The following CLCN5 variants were observed in gnomAD, a reference collection of about 807,000 sequenced individuals.
CLCN5 encodes the protein H(+)/Cl(-) exchange transporter 5.
Under a neutral mutation model 54.0 loss-of-function variants are expected in CLCN5, and 17 were observed. That is an observed-to-expected ratio of 0.31 (90% confidence interval 0.22 to 0.47). CLCN5 has a LOEUF of 0.47. Ranked by LOEUF, CLCN5 falls within the 20% of genes least tolerant of loss-of-function variation. The pLI is 1.00. For missense variants in CLCN5, 448 were observed against 646.7 expected (o/e 0.69, Z 3.33); for synonymous variants, 222 against 233.0 (o/e 0.95, Z 0.43).
intron 3 of CLCN5, among the ~76,000 whole-genome samples, chrX:49,962,329 A>G (rs1416619356): frequency 1.8e-5 from 2 of 111,628 alleles, no homozygotes; most frequent in Non-Finnish European, 3.8e-5. Flanking sequence ...AACGTCACGC[A>G]GCAGCTGGAA....
At chrX:49,938,846 A>C in intron 3 of CLCN5, among the ~76,000 whole-genome samples, 1 of 101,833 alleles carries the variant, frequency 9.8e-6, no homozygotes, top group Middle Eastern at 4.9e-3. Context: ...CATCAGAGTG[A>C]ACAGGCAACC....
chrX:50,095,669 T>C lies in CLCN5; in HGVS notation c.*3450T>C, dbSNP rs1934240012. On this transcript the variant is annotated 3_prime_UTR_variant, in exon 15 of 15. Transcript: ENST00000376091. ...TTCTTAGCAGATCTTCAATTCTGTT[T>C]GAACATGATGAAGTAACCAGGGTTT... 8.9e-6 allele frequency: 1 copy of C among 112,819 alleles called. No homozygotes were observed. The highest frequency in any genetic ancestry group is 1.9e-5 in the Non-Finnish European group (1 of 53,386). 9.3% of individuals were successfully genotyped at this position (112,819 alleles called of 1,213,427 possible). A position where few individuals can be genotyped will look rare whatever the true frequency, so the allele number is the denominator to read the frequency against.
intron 3 of CLCN5, among the ~76,000 whole-genome samples, chrX:50,016,705 TAAAATTCCTC>T (rs1930806713): frequency 9.1e-6 from 1 of 109,644 alleles, no homozygotes; most frequent in Non-Finnish European, 1.9e-5. Context: ...TTCACTGCCC[TAAAATTCCTC>T]TGAGTTCTGC....
chrX:50,045,404 TA>T (rs1410463946), intron 4 of CLCN5, among the ~76,000 whole-genome samples: 3 of 111,877 alleles, frequency 2.7e-5, no homozygotes, highest in African/African-American at 9.7e-5. Flanking sequence ...AGTGGTCAGT[TA>T]GGGGGATTCA....
chrX:49,958,250 T>TC (rs1369788563), intron 3 of CLCN5, among the ~76,000 whole-genome samples: 1 of 111,713 alleles, frequency 9.0e-6, no homozygotes, highest in Non-Finnish European at 1.9e-5. Context: ...GTTTTTTTTT[T>TC]CACTCAGCAT....
Position 50,067,826 on chromosome X carries a change from TGCAA to T in CLCN5, c.164-2049_164-2046del, listed in dbSNP as rs782632740. ...CCCGGGAGCAGGGGATCTGGAGAAT[TGCAA>T]GCAGTCTGTTGTAGGATTCTAATCA... On this transcript the variant is annotated intron_variant, in intron 4 of 14. Transcript: ENST00000376091. 4,978 of 508,898 alleles carry T rather than the reference TGCAA, an allele frequency of 9.8e-3. 36 individuals are homozygous for T. Among genetic ancestry groups the T allele is most frequent in the Non-Finnish European group, 0.011 (4,654 of 416,815 alleles). 41.9% of individuals were successfully genotyped at this position (508,898 alleles called of 1,213,427 possible). A position where few individuals can be genotyped will look rare whatever the true frequency, so the allele number is the denominator to read the frequency against.
At chrX:49,954,208 A>G (rs993339699) in intron 3 of CLCN5, among the ~76,000 whole-genome samples, 2 of 111,797 alleles carry the variant, frequency 1.8e-5, no homozygotes, top group Non-Finnish European at 3.8e-5. Context: ...TCTAAGGGCC[A>G]AGGAGATGTG....
chrX:50,003,592 G>T, intron 3 of CLCN5: 1 of 355,670 alleles, frequency 2.8e-6, no homozygotes, highest in Non-Finnish European at 5.7e-6. Flanking sequence ...GCGAGCCTCA[G>T]CTTTCCTTGC....
chrX:49,992,170 C>T (rs1557179054), intron 3 of CLCN5, among the ~76,000 whole-genome samples: 1 of 107,924 alleles, frequency 9.3e-6, no homozygotes, highest in African/African-American at 3.4e-5. Flanking sequence ...AAAACGGTCC[C>T]GGGGTCTCTC....
chrX:49,951,943 C>T (rs1234099903), intron 3 of CLCN5, among the ~76,000 whole-genome samples: 1 of 112,214 alleles, frequency 8.9e-6, no homozygotes, highest in Non-Finnish European at 1.9e-5. Context: ...GAATACACTG[C>T]TTATCTAAGT....
intron 4 of CLCN5, among the ~76,000 whole-genome samples, chrX:50,063,041 G>T (rs1484267621): frequency 9.1e-6 from 1 of 109,991 alleles, no homozygotes; most frequent in Non-Finnish European, 1.9e-5. Flanking sequence ...CACTAAATGC[G>T]CACAAGAGAA....
chrX:49,929,121 C>T (rs1281028859), intron 3 of CLCN5, among the ~76,000 whole-genome samples: 1 of 111,388 alleles, frequency 9.0e-6, no homozygotes, highest in Non-Finnish European at 1.9e-5. Flanking sequence ...CTGAGTCAGT[C>T]TGTAGAGCTT....
At chrX:49,952,645 CT>C (rs1331571544) in intron 3 of CLCN5, among the ~76,000 whole-genome samples, 5 of 111,285 alleles carry the variant, frequency 4.5e-5, no homozygotes, top group Non-Finnish European at 9.4e-5. Flanking sequence ...AATGTTAAAG[CT>C]ACAAATGGAT....
At chrX:49,965,713 T>G (rs1922365823) in intron 3 of CLCN5, among the ~76,000 whole-genome samples, 1 of 112,389 alleles carries the variant, frequency 8.9e-6, no homozygotes, top group Non-Finnish European at 1.9e-5. Context: ...ATCCAGTCTT[T>G]CATCTTCAAG....
intron 3 of CLCN5, among the ~76,000 whole-genome samples, chrX:49,984,533 TTGA>T (rs782495720): frequency 1.8e-5 from 2 of 112,068 alleles, no homozygotes; most frequent in South Asian, 7.4e-4. Flanking sequence ...TTGAAGTTTG[TTGA>T]TAATATTGCT....
intron 4 of CLCN5, among the ~76,000 whole-genome samples, chrX:50,047,258 G>A (rs1932424970): frequency 9.0e-6 from 1 of 111,657 alleles, no homozygotes; most frequent in Admixed American, 9.5e-5. Context: ...TAGAGCAACT[G>A]TGTGGATTGT....
chrX:49,951,774 C>T (rs1037175288), intron 3 of CLCN5, among the ~76,000 whole-genome samples: 1 of 111,967 alleles, frequency 8.9e-6, no homozygotes, highest in Non-Finnish European at 1.9e-5. Flanking sequence ...GGTCACTGAG[C>T]TGACATGCTT....
chrX:49,955,865 G>A (rs1444956628), intron 3 of CLCN5, among the ~76,000 whole-genome samples: 5 of 111,605 alleles, frequency 4.5e-5, no homozygotes, highest in Non-Finnish European at 9.4e-5. Context: ...TGGGGGCAGG[G>A]GTTGGAATAG....
At chrX:50,019,468 C>CTTTTTTTTTTTTTTTT (rs1175073117) in intron 3 of CLCN5, among the ~76,000 whole-genome samples, 76 of 47,631 alleles carry the variant, frequency 1.6e-3, no homozygotes, top group East Asian at 4.2e-3. Flanking sequence ...TTTTTTTTTT[C>CTTTTTTTTTTTTTTTT]TTTTTTTTTT....
Sources: gnomAD v4.1 joint callset for allele counts (sites outside exome capture counted in the v4.1 genomes callset) on GRCh38, gnomAD v4.1.1 for gene constraint, MANE v1.5 for transcripts, NCBI Gene and HGNC (gene_info 2026-07-23, HGNC 2026-07-21) for gene names.